The following HINT3 variants were observed in gnomAD, a reference collection of about 807,000 sequenced individuals.
HINT3 encodes the protein histidine triad nucleotide binding protein 3, also known as adenosine 5'-monophosphoramidase HINT3.
Under a neutral mutation model 19.1 loss-of-function variants are expected in HINT3, and 16 were observed. The ratio of observed to expected loss-of-function variants is 0.84; its 90% CI spans 0.57 to 1.27. The LOEUF (loss-of-function observed/expected upper bound fraction) is 1.27. Ranked by LOEUF, HINT3 falls within the 50% of genes most tolerant of loss-of-function variation. HINT3 has a pLI of 0.00. For synonymous variants in HINT3, 75 were observed against 84.8 expected, an observed-to-expected ratio of 0.88 and a Z score of 0.63; for missense variants, 197 against 225.8, an observed-to-expected ratio of 0.87 and a Z score of 0.82.
chr6:125,979,352 A>C lies in HINT3; in HGVS notation c.*1676A>C, dbSNP rs1023916699. The C allele has an allele frequency of 2.3e-4, 35 of 152,334 alleles. No homozygotes were observed. Among genetic ancestry groups the C allele is most frequent in the Admixed American group, 2.1e-3 (32 of 15,308 alleles). The allele number at this position is 152,334 out of a possible 1,614,324, so 9.4% of individuals were successfully genotyped here. On this transcript the variant is annotated 3_prime_UTR_variant, in exon 5 of 5. Transcript: ENST00000229633. ...TAACAGTTACAAGTTTCCATAAATC[A>C]GTTAGAATATGACTAGCTTCAGGGA...
At chr6:125,971,954 G>A (rs889541537) in intron 2 of HINT3, among the ~76,000 whole-genome samples, 1 of 151,904 alleles carries the variant, frequency 6.6e-6, no homozygotes, top group African/African-American at 2.4e-5. Context: ...CTCGTGATCC[G>A]CCTGCCTCGG....
intron 3 of HINT3, among the ~76,000 whole-genome samples, chr6:125,972,609 A>T (rs1789117507): frequency 6.6e-6 from 1 of 152,266 alleles, no homozygotes; most frequent in East Asian, 1.9e-4. Context: ...AAAATTTTTG[A>T]GATAGGATCT....
rs920733341 is a variant in HINT3, at chr6:125,975,278, G to T, written c.516+305G>T. Among the ~76,000 whole-genome samples the T allele has an allele frequency of 3.9e-5, 6 of 152,248 alleles. No homozygotes were observed. The South Asian group carries it at 8.3e-4, about 21-fold the overall frequency. On this transcript the variant is annotated intron_variant, in intron 4 of 4. Transcript: ENST00000229633. ...TCTGGATTCAAATTCTGGCTGCAGT[G>T]CTTGCTTGAGGGTCCATGTGAAAGT...
chr6:125,963,400 C>T (rs1278131365), intron 1 of HINT3, among the ~76,000 whole-genome samples: 1 of 152,168 alleles, frequency 6.6e-6, no homozygotes, highest in Non-Finnish European at 1.5e-5. Flanking sequence ...TAAATTCCCT[C>T]TGGGATTTTT....
chr6:125,975,056 C>T (rs1450103998), intron 4 of HINT3, 83 bp downstream of exon 4: 12 of 1,292,390 alleles, frequency 9.3e-6, no homozygotes, highest in African/African-American at 2.9e-5. Flanking sequence ...CAACAGTAGG[C>T]ACTTACAGCT....
At chr6:125,964,854 T>G (rs1388375649) in intron 1 of HINT3, among the ~76,000 whole-genome samples, 1 of 152,128 alleles carries the variant, frequency 6.6e-6, no homozygotes, top group Non-Finnish European at 1.5e-5. Flanking sequence ...AAATGATGCC[T>G]GGATCAGCAG....
rs1387474086 is a variant in HINT3 at position 125,962,766 on chromosome 6, C to T, written c.202-4121C>T. Among the ~76,000 whole-genome samples, 50 of 151,742 alleles carry T rather than the reference C, an allele frequency of 3.3e-4. 2 individuals carry two copies. ...ATTTAAAACTAAGCAAAGGCTGAAC[C>T]ATGCATTCTTAATGGGGCAGATGAC... On this transcript the variant is annotated intron_variant, in intron 1 of 4. Coordinates refer to ENST00000229633, the MANE Select transcript of HINT3 (RefSeq NM_138571.5).
chr6:125,969,313 G>A (rs1023478529), intron 2 of HINT3, among the ~76,000 whole-genome samples: 1 of 152,212 alleles, frequency 6.6e-6, no homozygotes, highest in Non-Finnish European at 1.5e-5. Flanking sequence ...TCAGATGGCT[G>A]CAGGTATGTG....
In HINT3 at chr6:125,962,307, T is replaced by TCA. The variant is rs1554209765; in HGVS notation, c.202-4575_202-4574dup. ...ATATACACATATATATATATATATA[T>TCA]CACACATATATATATATATATATCA... On this transcript the variant is annotated intron_variant, in intron 1 of 4. Coordinates refer to ENST00000229633, the MANE Select transcript of HINT3 (RefSeq NM_138571.5). 7.7e-5 allele frequency among the ~76,000 whole-genome samples: 2 copies of TCA among 25,986 alleles called. 1 individual carries two copies. The highest frequency in any genetic ancestry group is 1.3e-4 in the Non-Finnish European group (2 of 15,474). The allele number at this position is 25,986 out of a possible 152,430, so 17.0% of individuals were successfully genotyped here.
chr6:125,969,528 T>C (rs1789069372), intron 2 of HINT3, among the ~76,000 whole-genome samples: 1 of 152,198 alleles, frequency 6.6e-6, no homozygotes, highest in Non-Finnish European at 1.5e-5. Context: ...TTTTCTCTAG[T>C]TGTGTGAAAA....
At chr6:125,973,065 CTTTTTTTTTTTTTT>C (rs869084942) in intron 3 of HINT3, among the ~76,000 whole-genome samples, 12 of 74,480 alleles carry the variant, frequency 1.6e-4, no homozygotes, top group African/African-American at 2.1e-4. Context: ...AATTTTTCAA[CTTTTTTTTTTTTTT>C]TTTTTTTTTT....
rs796910720 is a variant in HINT3 at position 125,962,219 on chromosome 6, T to C, written c.202-4668T>C. 8.8e-4 allele frequency among the ~76,000 whole-genome samples: 34 copies of C among 38,530 alleles called. 3 individuals carry two copies. Among genetic ancestry groups the C allele is most frequent in the South Asian group, 3.7e-3 (4 of 1,070 alleles). 25.3% of individuals were successfully genotyped at this position (38,530 alleles called of 152,430 possible). ...ATATATATATATATATACACATATA[T>C]ATATATATATATATACACATATATA... is the stretch of plus-strand genomic sequence containing the variant. On this transcript the variant is annotated intron_variant, in intron 1 of 4. Coordinates refer to ENST00000229633, the MANE Select transcript of HINT3 (RefSeq NM_138571.5).
chr6:125,969,531 T>C (rs1477587948), intron 2 of HINT3, among the ~76,000 whole-genome samples: 2 of 152,212 alleles, frequency 1.3e-5, no homozygotes, highest in Non-Finnish European at 2.9e-5. Context: ...TCTCTAGTTG[T>C]GTGAAAAATG....
At position 125,956,875 on chromosome 6, in the gene HINT3, G is replaced by A. The variant is rs980703180; in HGVS notation, c.-103G>A. 1 of 1,186,236 alleles carries A rather than the reference G, an allele frequency of 8.4e-7. No individual in the cohort carries two copies. Among genetic ancestry groups the A allele is most frequent in the African/African-American group, 1.5e-5 (1 of 65,816 alleles). The allele number at this position is 1,186,236 out of a possible 1,614,324, so 73.5% of individuals were successfully genotyped here. A position where few individuals can be genotyped will look rare whatever the true frequency, so the allele number is the denominator to read the frequency against. The stretch of plus-strand genomic sequence containing the variant: ...GATCACCGCCCAGCGTCAGGCGAGG[G>A]GCGACGTCTCGAGGTAAAACGGAGG... On this transcript the variant is annotated 5_prime_UTR_variant, in exon 1 of 5. Transcript: ENST00000229633.
chr6:125,962,237 CAT>C lies in HINT3; in HGVS notation c.202-4638_202-4637del, dbSNP rs1334416940. Reference sequence around the variant, plus strand: ...ACATATATATATATATATATATACACATATATATATATACACACATATATATA... The same window carrying C: ...ACATATATATATATATATATATACACATATATATATACACACATATATATA... On this transcript the variant is annotated intron_variant, in intron 1 of 4. Transcript: ENST00000229633. Among the ~76,000 whole-genome samples, 47 of 15,756 alleles carry C rather than the reference CAT, an allele frequency of 3.0e-3. 2 individuals are homozygous for C. Among genetic ancestry groups the C allele is most frequent in the Non-Finnish European group, 3.5e-3 (32 of 9,254 alleles). 10.3% of individuals were successfully genotyped at this position (15,756 alleles called of 152,430 possible).
chr6:125,966,921 C>T lies in HINT3; in HGVS notation c.236C>T (p.Pro79Leu). 1 of 1,612,620 alleles carries T rather than the reference C, an allele frequency of 6.2e-7. No individual in the cohort carries two copies. Among genetic ancestry groups the T allele is most frequent in the African/African-American group, 1.3e-5 (1 of 74,960 alleles). Reference sequence around the variant, plus strand: ...CTAATTTGCTTCAAAGATATCAAACCAGCAGCAACTCATCATTATCTTGTG... The same window carrying T: ...CTAATTTGCTTCAAAGATATCAAACTAGCAGCAACTCATCATTATCTTGTG... Reference protein sequence around the residue: ...EDLICFKDIKPAATHHYLVVP... With the variant: ...EDLICFKDIKLAATHHYLVVP... The change falls in exon 2 of 5, where the codon CCA becomes CTA. Residue 79 changes from proline (P) to leucine (L), a missense_variant. Pro to Leu is a moderately conservative substitution (Grantham distance 98, BLOSUM62 -3). Coordinates refer to ENST00000229633, the MANE Select transcript of HINT3 (RefSeq NM_138571.5).
At chr6:125,967,073 T>A in intron 2 of HINT3, 69 bp downstream of exon 2, 1 of 997,032 alleles carries the variant, frequency 1.0e-6, no homozygotes, top group African/African-American at 1.6e-5. Flanking sequence ...CAGTGAAGAT[T>A]AAAAAGAAAA....
chr6:125,959,136 G>C (rs1448078576), intron 1 of HINT3, among the ~76,000 whole-genome samples: 1 of 152,134 alleles, frequency 6.6e-6, no homozygotes, highest in Admixed American at 6.5e-5. Context: ...TCTTTTAAAT[G>C]GTTGGATAGT....
chr6:125,968,269 GT>G (rs1789046170), intron 2 of HINT3, among the ~76,000 whole-genome samples: 1 of 152,176 alleles, frequency 6.6e-6, no homozygotes. Context: ...AGAGTGTTTG[GT>G]TTTCTGTTCC....
Sources: allele counts gnomAD v4.1 joint callset (sites outside exome capture counted in the v4.1 genomes callset), GRCh38; gene constraint gnomAD v4.1.1; transcripts MANE v1.5; gene names NCBI Gene and HGNC (gene_info 2026-07-23, HGNC 2026-07-21).